Variants in OR51G2 observed in about 807,000 individuals in gnomAD.
OR51G2 encodes the protein olfactory receptor family 51 subfamily G member 2.
A neutral mutation model predicts 11.8 loss-of-function variants in OR51G2; 13 were observed. That is an observed-to-expected ratio of 1.10 (90% CI 0.72 to 1.76). OR51G2 has a LOEUF of 1.76. OR51G2 is among the 40% of genes most tolerant of loss of function. The pLI is 0.00. For synonymous variants in OR51G2, 178 were observed against 151.9 expected (o/e 1.17, Z -1.26); for missense variants, 474 against 394.4 (o/e 1.20, Z -1.71).
At chr11:4,916,797 G>A (rs1370110929) in intron 1 of OR51G2, among the ~76,000 whole-genome samples, 1 of 152,182 alleles carries the variant, frequency 6.6e-6, no homozygotes, top group East Asian at 1.9e-4. Flanking sequence ...GAATTCCCCA[G>A]AAGTCCAGGA....
chr11:4,914,746 A>G lies in OR51G2; in HGVS notation c.918T>C (p.Asp306=). 1.2e-6 allele frequency: 2 copies of G among 1,613,356 alleles called. No individual in the cohort carries two copies. Among genetic ancestry groups the G allele is most frequent in the East Asian group, 2.2e-5 (1 of 44,784 alleles). ...AGTAACAAAAGGCATGCGTCACTCGATCCCGGATCTGTTTGGTCTTCACAC... is the reference window on the plus strand; with the variant it reads ...AGTAACAAAAGGCATGCGTCACTCGGTCCCGGATCTGTTTGGTCTTCACAC... The part of the protein sequence containing the change: ...VYSVKTKQIR[D]RVTHAFCY The change falls in exon 2 of 2, where the codon GAT becomes GAC. Residue 306 remains aspartate (D), a synonymous_variant. Transcript: ENST00000641926.
Position 4,914,669 on chromosome 11 carries a change from G to T in OR51G2, c.*50C>A. The T allele has an allele frequency of 7.9e-7, 1 of 1,267,306 alleles. No homozygotes were observed. The highest frequency in any genetic ancestry group is 1.1e-6 in the Non-Finnish European group (1 of 893,476). 78.5% of individuals were successfully genotyped at this position (1,267,306 alleles called of 1,614,324 possible). On this transcript the variant is annotated 3_prime_UTR_variant, in exon 2 of 2. Coordinates refer to ENST00000641926, the MANE Select transcript of OR51G2 (RefSeq NM_001005238.2). ...TGCATGTTAGAAATTATAAAGGATA[G>T]GCAAACAAGGGCACGTTTCAGGAGA... is the stretch of plus-strand genomic sequence containing the variant.
Position 4,915,362 on chromosome 11 carries a change from G to A in OR51G2, c.302C>T (p.Ala101Val), listed in dbSNP as rs779365615. The A allele has an allele frequency of 8.7e-6, 14 of 1,613,896 alleles. No homozygotes were observed. The African/African-American group carries it at 1.3e-4, about 15-fold the overall frequency. Reference sequence around the variant, plus strand: ...AATGAAAAAGAGCTGAGCAAAGCAGGCATCATGGCTAATTTCTCGTGCTCC... The same window carrying A: ...AATGAAAAAGAGCTGAGCAAAGCAGACATCATGGCTAATTTCTCGTGCTCC... ...WVGAREISHD[A>V]CFAQLFFIHC... Residue 101 changes from alanine to valine, a missense_variant, in exon 2 of 2, where the codon GCC becomes GTC. Transcript: ENST00000641926.
chr11:4,914,465 C>T lies in OR51G2; in HGVS notation c.*254G>A, dbSNP rs942414087. ...ATCTCTTTATGAGGAGTAGCAAGTTCCTGGAAGAGCATGTGGGTTTAGAAT... is the reference window on the plus strand; with the variant it reads ...ATCTCTTTATGAGGAGTAGCAAGTTTCTGGAAGAGCATGTGGGTTTAGAAT... On this transcript the variant is annotated 3_prime_UTR_variant, in exon 2 of 2. Transcript: ENST00000641926. The T allele has an allele frequency of 7.1e-6, 3 of 425,100 alleles. No individual in the cohort carries two copies. The highest frequency in any genetic ancestry group is 7.7e-5 in the Admixed American group (2 of 26,138). 26.3% of individuals were successfully genotyped at this position (425,100 alleles called of 1,614,324 possible). A position where few individuals can be genotyped will look rare whatever the true frequency, so the allele number is the denominator to read the frequency against.
At position 4,914,846 on chromosome 11, in the gene OR51G2, G is replaced by T. The variant is rs771902033; in HGVS notation, c.818C>A (p.Ala273Glu). ...CATGACCACCTGGACCAGGTGGGGTGCCTGCTTTCCAAAGCGATGGATGAC... is the reference window on the plus strand; with the variant it reads ...CATGACCACCTGGACCAGGTGGGGTTCCTGCTTTCCAAAGCGATGGATGAC... The part of the protein sequence containing the change: ...LSVIHRFGKQ[A>E]PHLVQVVMGF... Residue 273 changes from alanine to glutamate, a missense_variant, in exon 2 of 2, where the codon GCA (alanine) becomes GAA (glutamate). Physicochemically the swap from Ala to Glu is moderately radical, Grantham distance 107. Coordinates refer to ENST00000641926, the MANE Select transcript of OR51G2 (RefSeq NM_001005238.2). 2 of 1,614,032 alleles carry T rather than the reference G, an allele frequency of 1.2e-6. No homozygotes were observed. The highest frequency in any genetic ancestry group is 2.2e-5 in the East Asian group (1 of 44,852).
Position 4,912,606 on chromosome 11 carries a change from C to T in OR51G2, c.*2113G>A, listed in dbSNP as rs1051830347. 1.3e-5 allele frequency: 2 copies of T among 152,112 alleles called. No individual in the cohort carries two copies. Among genetic ancestry groups the T allele is most frequent in the African/African-American group, 4.8e-5 (2 of 41,424 alleles). The allele number at this position is 152,112 out of a possible 1,614,324, so 9.4% of individuals were successfully genotyped here. A position where few individuals can be genotyped will look rare whatever the true frequency, so the allele number is the denominator to read the frequency against. On this transcript the variant is annotated 3_prime_UTR_variant, in exon 2 of 2. Coordinates refer to ENST00000641926, the MANE Select transcript of OR51G2 (RefSeq NM_001005238.2). ...ATCATAGGCCTTTTGCATGTTAATACACACAATTCACATATACACATTGTA... is the reference window on the plus strand; with the variant it reads ...ATCATAGGCCTTTTGCATGTTAATATACACAATTCACATATACACATTGTA...
At chr11:4,917,602 C>T (rs1851117607) in intron 1 of OR51G2, among the ~76,000 whole-genome samples, 1 of 152,188 alleles carries the variant, frequency 6.6e-6, no homozygotes, top group Non-Finnish European at 1.5e-5. Context: ...CATATAGGCT[C>T]TCACACCGTG....
chr11:4,914,244 C>G lies in OR51G2; in HGVS notation c.*475G>C, dbSNP rs912291689. ...GATGGAACACCTACATGGGCCTTCT[C>G]CACGTCGCCTGGGCTTCCTCTTAGA... is the stretch of plus-strand genomic sequence containing the variant. On this transcript the variant is annotated 3_prime_UTR_variant, in exon 2 of 2. Transcript: ENST00000641926. 1 of 158,510 alleles carries G rather than the reference C, an allele frequency of 6.3e-6. No individual in the cohort carries two copies. The highest frequency in any genetic ancestry group is 2.4e-5 in the African/African-American group (1 of 41,414). The allele number at this position is 158,510 out of a possible 1,614,324, so 9.8% of individuals were successfully genotyped here. A position where few individuals can be genotyped will look rare whatever the true frequency, so the allele number is the denominator to read the frequency against.
rs754454942 is a variant in OR51G2, at chr11:4,915,055, G to A, written c.609C>T (p.Tyr203=). 62 of 1,613,982 alleles carry A rather than the reference G, an allele frequency of 3.8e-5. 1 individual carries two copies. In the South Asian group the frequency reaches 4.4e-4, roughly 11 times the overall value. ...CTGTAGAGACGATGACAAACATGCC[G>A]TAGATGCTGTTGGCCTTCATGTCGG... ...ACADMKANSI[Y]GMFVIVSTVG... Residue 203 remains tyrosine (Y), a synonymous_variant, in exon 2 of 2, where the codon TAC becomes TAT. Transcript: ENST00000641926.
At position 4,914,955 on chromosome 11, in the gene OR51G2, C is replaced by A. The variant is rs1284893013; in HGVS notation, c.709G>T (p.Ala237Ser). 2 of 1,613,966 alleles carry A rather than the reference C, an allele frequency of 1.2e-6. No homozygotes were observed. The highest frequency in any genetic ancestry group is 1.7e-6 in the Non-Finnish European group (2 of 1,180,026). ...LRTVLSIASR[A>S]ERFKALNTCV... ...GTGTTAAGGGCCTTGAATCTCTCAG[C>A]CCTGGAGGCGATGGACAGCACGGTG... Residue 237 changes from alanine to serine, a missense_variant, in exon 2 of 2, where the codon GCT becomes TCT. By Grantham distance (99) the Ala-to-Ser change is moderately conservative. Transcript: ENST00000641926.
At chr11:4,916,454 C>T (rs1346584647) in intron 1 of OR51G2, among the ~76,000 whole-genome samples, 1 of 150,770 alleles carries the variant, frequency 6.6e-6, no homozygotes, top group Non-Finnish European at 1.5e-5. Flanking sequence ...CACTAACATT[C>T]TAACTTTTAT....
chr11:4,916,914 C>T (rs978739858), intron 1 of OR51G2, among the ~76,000 whole-genome samples: 8 of 152,138 alleles, frequency 5.3e-5, no homozygotes, highest in African/African-American at 1.9e-4. Flanking sequence ...GAACACAGGG[C>T]AGTGATGCTG....
At chr11:4,917,395 T>A (rs903277445) in intron 1 of OR51G2, among the ~76,000 whole-genome samples, 2 of 152,226 alleles carry the variant, frequency 1.3e-5, no homozygotes, top group African/African-American at 4.8e-5. Flanking sequence ...TTACTCTTTC[T>A]TGCCATATAG....
rs1851011265 is a variant in OR51G2 at position 4,912,810 on chromosome 11, G to T, written c.*1909C>A. 6.6e-6 allele frequency: 1 copy of T among 152,002 alleles called. No homozygotes were observed. The highest frequency in any genetic ancestry group is 2.4e-5 in the African/African-American group (1 of 41,384). The allele number at this position is 152,002 out of a possible 1,614,324, so 9.4% of individuals were successfully genotyped here. ...TTTAAAATGTAAAAAACTATAGAATGCTAGAGAAGACCTTTTCCCACTCCA... is the reference window on the plus strand; with the variant it reads ...TTTAAAATGTAAAAAACTATAGAATTCTAGAGAAGACCTTTTCCCACTCCA... On this transcript the variant is annotated 3_prime_UTR_variant, in exon 2 of 2. Coordinates refer to ENST00000641926, the MANE Select transcript of OR51G2 (RefSeq NM_001005238.2).
At position 4,915,598 on chromosome 11, in the gene OR51G2, G is replaced by A. The variant is rs1192900490; in HGVS notation, c.66C>T (p.Ile22=). The A allele has an allele frequency of 6.2e-7, 1 of 1,614,120 alleles. No homozygotes were observed. Among genetic ancestry groups the A allele is most frequent in the Admixed American group, 1.7e-5 (1 of 60,018 alleles). Reference sequence around the variant, plus strand: ...AGATGTGCATGCGCTCCAGCCCAGGGATGCCACTCAGCAGGAAGGTAGCAG... The same window carrying A: ...AGATGTGCATGCGCTCCAGCCCAGGAATGCCACTCAGCAGGAAGGTAGCAG... ...SVSATFLLSG[I]PGLERMHIWI... is the part of the protein sequence containing the mutation. Residue 22 remains isoleucine, a synonymous_variant, in exon 2 of 2, where the codon ATC becomes ATT. Coordinates refer to ENST00000641926, the MANE Select transcript of OR51G2 (RefSeq NM_001005238.2).
In OR51G2 at chr11:4,914,931, T is replaced by C; in HGVS notation, c.733A>G (p.Thr245Ala). The C allele has an allele frequency of 1.2e-6, 2 of 1,613,630 alleles. No homozygotes were observed. Among genetic ancestry groups the C allele is most frequent in the Non-Finnish European group, 1.7e-6 (2 of 1,179,890 alleles). Residue 245 changes from threonine (T) to alanine (A), a missense_variant, in exon 2 of 2, where the codon ACC (threonine) becomes GCC (alanine). By Grantham distance (58) the Thr-to-Ala change is moderately conservative. Coordinates refer to ENST00000641926, the MANE Select transcript of OR51G2 (RefSeq NM_001005238.2). ...SRAERFKALN[T>A]CVSHICAVLL... is the part of the protein sequence containing the mutation. ...ACAGCACAGATGTGGGAAACACAGG[T>C]GTTAAGGGCCTTGAATCTCTCAGCC... is the stretch of plus-strand genomic sequence containing the variant.
rs1429890382 is a variant in OR51G2, at chr11:4,912,716, C to G, written c.*2003G>C. The G allele has an allele frequency of 1.3e-5, 2 of 152,138 alleles. No homozygotes were observed. Among genetic ancestry groups the G allele is most frequent in the African/African-American group, 4.8e-5 (2 of 41,442 alleles). 9.4% of individuals were successfully genotyped at this position (152,138 alleles called of 1,614,324 possible). A position where few individuals can be genotyped will look rare whatever the true frequency, so the allele number is the denominator to read the frequency against. On this transcript the variant is annotated 3_prime_UTR_variant, in exon 2 of 2. Transcript: ENST00000641926. ...GGGATCTGAGTTACGTAACAGGCAGCTATAACCTAGGCAGCTGTAATCTTT... is the reference window on the plus strand; with the variant it reads ...GGGATCTGAGTTACGTAACAGGCAGGTATAACCTAGGCAGCTGTAATCTTT...
At chr11:4,916,114 T>A (rs1284866116) in intron 1 of OR51G2, among the ~76,000 whole-genome samples, 1 of 151,544 alleles carries the variant, frequency 6.6e-6, no homozygotes, top group African/African-American at 2.4e-5. Context: ...GTCAGGAGGT[T>A]GAGACCATCC....
At chr11:4,918,265 G>A (rs1298498441) in intron 1 of OR51G2, among the ~76,000 whole-genome samples, 2 of 152,180 alleles carry the variant, frequency 1.3e-5, no homozygotes, top group Admixed American at 6.5e-5. Context: ...TTTGGTTAAC[G>A]AATCCCAGCA....
Sources: gnomAD v4.1 joint callset for allele counts (sites outside exome capture counted in the v4.1 genomes callset) on GRCh38, gnomAD v4.1.1 for gene constraint, MANE v1.5 for transcripts, NCBI Gene and HGNC (gene_info 2026-07-23, HGNC 2026-07-21) for gene names.